The following PAN3 variants were observed in gnomAD, a reference collection of about 807,000 sequenced individuals.
PAN3 encodes the protein poly(A) specific ribonuclease subunit PAN3.
A neutral mutation model predicts 96.2 loss-of-function variants in PAN3; 19 were observed. The ratio of observed to expected loss-of-function variants is 0.20; its 90% CI spans 0.14 to 0.29. The LOEUF is 0.29. Among genes scored for constraint, PAN3 ranks in the 10% least tolerant of loss-of-function variants. PAN3 has a pLI of 1.00. For missense variants in PAN3, 882 were observed against 1,108.1 expected (o/e 0.80, Z 2.90); for synonymous variants, 433 against 406.6 (o/e 1.06, Z -0.78).
At chr13:28,259,399 G>A (rs945443560) in intron 7 of PAN3, among the ~76,000 whole-genome samples, 1 of 151,262 alleles carries the variant, frequency 6.6e-6, no homozygotes, top group Non-Finnish European at 1.5e-5. Flanking sequence ...CTCCACCTCC[G>A]GGTTCAAATG....
At chr13:28,171,148 A>G (rs549511019) in intron 1 of PAN3, among the ~76,000 whole-genome samples, 3 of 152,276 alleles carry the variant, frequency 2.0e-5, no homozygotes, top group East Asian at 1.9e-4. Context: ...ACATTTTGAC[A>G]TATTTAGTCA....
chr13:28,197,490 T>G, intron 5 of PAN3, 144 bp downstream of exon 5: 1 of 665,666 alleles, frequency 1.5e-6, no homozygotes, highest in Non-Finnish European at 2.4e-6. Flanking sequence ...CAGAATAAAG[T>G]TAGTGACCCT....
In PAN3 at chr13:28,139,029, C is replaced by G; in HGVS notation, c.372C>G (p.Thr124=). 1 of 1,270,876 alleles carries G rather than the reference C, an allele frequency of 7.9e-7. No individual in the cohort carries two copies. 78.7% of individuals were successfully genotyped at this position (1,270,876 alleles called of 1,614,324 possible). A position where few individuals can be genotyped will look rare whatever the true frequency, so the allele number is the denominator to read the frequency against. Residue 124 remains threonine (T), a synonymous_variant, in exon 1 of 19, where the codon ACC becomes ACG. Coordinates refer to ENST00000380958, the MANE Select transcript of PAN3 (RefSeq NM_175854.8). ...AGCCGGACCTGGGGGACCCGGGGAC[C>G]GGAGCCGCAGCCGGCGGAGGAGGCA... is the stretch of plus-strand genomic sequence containing the variant. ...PKKPDLGDPG[T]GAAAGGGGSS...
chr13:28,182,393 T>C (rs1875907487), intron 4 of PAN3, among the ~76,000 whole-genome samples: 1 of 152,216 alleles, frequency 6.6e-6, no homozygotes, highest in Non-Finnish European at 1.5e-5. Context: ...CCCTACTTCT[T>C]CCATTTCTTT....
chr13:28,268,594 CTATT>C (rs1421491181), intron 12 of PAN3, among the ~76,000 whole-genome samples: 1 of 151,952 alleles, frequency 6.6e-6, no homozygotes, highest in African/African-American at 2.4e-5. Flanking sequence ...TTTGAGATGT[CTATT>C]CATTAATTTA....
At chr13:28,285,656 T>C (rs1868887620) in intron 17 of PAN3, among the ~76,000 whole-genome samples, 1 of 152,186 alleles carries the variant, frequency 6.6e-6, no homozygotes, top group South Asian at 2.1e-4. Flanking sequence ...TTGCAATTGA[T>C]TTTCAAATAT....
chr13:28,250,361 T>C (rs1421548740), intron 6 of PAN3, among the ~76,000 whole-genome samples: 2 of 152,020 alleles, frequency 1.3e-5, no homozygotes, highest in Admixed American at 6.6e-5. Flanking sequence ...TCTGGTTTAT[T>C]TTAATTTAAT....
chr13:28,189,189 T>C (rs1876877993), intron 4 of PAN3, among the ~76,000 whole-genome samples: 1 of 152,174 alleles, frequency 6.6e-6, no homozygotes, highest in South Asian at 2.1e-4. Flanking sequence ...TTGGAAAAGC[T>C]AGGGCTTTGA....
chr13:28,207,659 T>C (rs45479491), intron 5 of PAN3, among the ~76,000 whole-genome samples: 2,896 of 152,348 alleles, frequency 0.019, 100 homozygotes, highest in African/African-American at 0.066. Context: ...TACGGTCTTA[T>C]GGCCTAATTA....
chr13:28,148,755 A>G (rs1217601517), intron 1 of PAN3, among the ~76,000 whole-genome samples: 1 of 152,154 alleles, frequency 6.6e-6, no homozygotes, highest in Non-Finnish European at 1.5e-5. Context: ...GCACACATGG[A>G]AGCCTAATGT....
chr13:28,223,050 G>A (rs905384470), intron 6 of PAN3, among the ~76,000 whole-genome samples: 1 of 152,134 alleles, frequency 6.6e-6, no homozygotes, highest in African/African-American at 2.4e-5. Flanking sequence ...TTAAGAGTGG[G>A]TTTCCTCAAA....
At chr13:28,256,147 C>A in intron 6 of PAN3, 145 bp from the exon 7 acceptor site, 3 of 898,986 alleles carry the variant, frequency 3.3e-6, no homozygotes, top group Admixed American at 2.6e-5. Flanking sequence ...TACAACAAAA[C>A]AAGATAAAAT....
chr13:28,144,285 C>T (rs988083664), intron 1 of PAN3, among the ~76,000 whole-genome samples: 1 of 143,534 alleles, frequency 7.0e-6, no homozygotes, highest in South Asian at 2.2e-4. Context: ...GGCGCAGTCT[C>T]GGCTCACTGC....
At chr13:28,240,344 A>AC (rs1883543330) in intron 6 of PAN3, among the ~76,000 whole-genome samples, 2 of 152,218 alleles carry the variant, frequency 1.3e-5, no homozygotes, top group Admixed American at 6.5e-5. Flanking sequence ...ATACAGGGAT[A>AC]CAGTGGATTG....
At chr13:28,273,592 C>A (rs536419871) in intron 14 of PAN3, among the ~76,000 whole-genome samples, 1 of 151,014 alleles carries the variant, frequency 6.6e-6, no homozygotes, top group South Asian at 2.1e-4. Flanking sequence ...CAGAGCTAGA[C>A]TCCATCTCAA....
At chr13:28,250,648 T>G (rs1039426606) in intron 6 of PAN3, among the ~76,000 whole-genome samples, 1 of 152,136 alleles carries the variant, frequency 6.6e-6, no homozygotes, top group Non-Finnish European at 1.5e-5. Flanking sequence ...ATTACAAACA[T>G]GAGCCACCGC....
At chr13:28,141,598 G>C (rs1869848166) in intron 1 of PAN3, among the ~76,000 whole-genome samples, 1 of 150,370 alleles carries the variant, frequency 6.7e-6, no homozygotes, top group South Asian at 2.1e-4. Context: ...CTCCCTAGTA[G>C]CTGGGATTAC....
chr13:28,282,715 A>G (rs1868443447), intron 17 of PAN3, among the ~76,000 whole-genome samples: 1 of 152,032 alleles, frequency 6.6e-6, no homozygotes, highest in South Asian at 2.1e-4. Context: ...CACCTAGAGA[A>G]TTGGCTCTGG....
intron 1 of PAN3, among the ~76,000 whole-genome samples, chr13:28,142,659 G>T (rs1870024087): frequency 6.6e-6 from 1 of 152,030 alleles, no homozygotes; most frequent in East Asian, 1.9e-4. Context: ...TGCCTACCCT[G>T]TGAGCCACCA....
Sources: allele counts gnomAD v4.1 joint callset (sites outside exome capture counted in the v4.1 genomes callset), GRCh38; gene constraint gnomAD v4.1.1; transcripts MANE v1.5; gene names NCBI Gene and HGNC (gene_info 2026-07-23, HGNC 2026-07-21).